CACNA1C: variants seen among roughly 807,000 people sequenced by gnomAD.
CACNA1C encodes the protein calcium voltage-gated channel subunit alpha1 C, also known as voltage-dependent L-type calcium channel subunit alpha-1C.
A neutral mutation model predicts 229.0 loss-of-function variants in CACNA1C; 30 were observed. The ratio of observed to expected loss-of-function variants is 0.13; its 90% CI spans 0.10 to 0.18. The LOEUF (loss-of-function observed/expected upper bound fraction) is 0.18, where lower values mean the gene tolerates loss of function less well. Among genes scored for constraint, CACNA1C ranks in the 10% least tolerant of loss-of-function variants. CACNA1C has a pLI of 1.00. For synonymous variants in CACNA1C, 1,114 were observed against 1,132.5 expected, an observed-to-expected ratio of 0.98 and a Z score of 0.33; for missense variants, 1,658 against 2,845.0, an observed-to-expected ratio of 0.58 and a Z score of 9.49.
chr12:2,682,120 T>C, intron 42 of CACNA1C: 2 of 939,832 alleles, frequency 2.1e-6, no homozygotes, highest in Non-Finnish European at 3.4e-6. Flanking sequence ...ACCATCAAAA[T>C]AAGAGGCCAA....
chr12:2,093,615 C>T (rs1309503192), intron 1 of CACNA1C, among the ~76,000 whole-genome samples: 1 of 152,188 alleles, frequency 6.6e-6, no homozygotes, highest in East Asian at 1.9e-4. Context: ...CCTCCTGAGC[C>T]CCTTACCCTG....
Position 2,181,438 on chromosome 12 carries a change from G to A in CACNA1C, c.477+61008G>A, listed in dbSNP as rs1355433648. 3.9e-5 allele frequency among the ~76,000 whole-genome samples: 6 copies of A among 152,104 alleles called. No individual in the cohort carries two copies. The South Asian group carries it at 8.3e-4, about 21-fold the overall frequency. ...CATGATCACAGCAGACTGACACGGC[G>A]AGCTGAAACAAACAGGAAAACATTT... is the stretch of plus-strand genomic sequence containing the variant. On this transcript the variant is annotated intron_variant, in intron 3 of 46. Coordinates refer to ENST00000399655, the MANE Select transcript of CACNA1C (RefSeq NM_000719.7). This position sits in a 1 kb window ranked among gnomAD's most constrained non-coding sequence, Gnocchi z 4.0.
At chr12:2,217,899 G>A (rs778932966) in intron 3 of CACNA1C, 7 of 152,174 alleles carry the variant, frequency 4.6e-5, no homozygotes, top group African/African-American at 1.4e-4. Flanking sequence ...TGCTCAGGCC[G>A]TCGGGAAATG....
rs143224089 is a variant in CACNA1C at position 2,521,851 on chromosome 12, C to A, written c.1390+8867C>A. On this transcript the variant is annotated intron_variant, in intron 9 of 46. Coordinates refer to ENST00000399655, the MANE Select transcript of CACNA1C (RefSeq NM_000719.7). ...GCAGCCAAGTTCATATTTCTGCAGC[C>A]GACTGTGTCACTCCCTTGTTCAAAA... Among the ~76,000 whole-genome samples, 211 of 152,290 alleles carry A rather than the reference C, an allele frequency of 1.4e-3. 2 individuals carry two copies. In the Middle Eastern group the frequency reaches 0.02, roughly 15 times the overall value.
intron 11 of CACNA1C, among the ~76,000 whole-genome samples, chr12:2,565,655 G>A (rs928792354): frequency 2.0e-5 from 3 of 152,216 alleles, no homozygotes; most frequent in Non-Finnish European, 4.4e-5. Context: ...AGTCCATGGA[G>A]CATGGATGAG....
chr12:2,446,909 T>C (rs1387474989), intron 3 of CACNA1C, among the ~76,000 whole-genome samples: 1 of 152,208 alleles, frequency 6.6e-6, no homozygotes, highest in Non-Finnish European at 1.5e-5. Flanking sequence ...TGAATGGAAG[T>C]GTGAAAGCAA....
intron 3 of CACNA1C, among the ~76,000 whole-genome samples, chr12:2,377,331 G>A (rs1476659099): frequency 1.3e-5 from 2 of 152,020 alleles, no homozygotes; most frequent in African/African-American, 4.8e-5. Context: ...TTGTCATGCC[G>A]AAGCCCAGGA....
At chr12:2,684,317 TG>T (rs2097332443) in intron 43 of CACNA1C, among the ~76,000 whole-genome samples, 1 of 152,102 alleles carries the variant, frequency 6.6e-6, no homozygotes, top group Non-Finnish European at 1.5e-5. Context: ...AATGGGACGG[TG>T]GGGGTGACAG....
intron 15 of CACNA1C, 106 bp from the exon 16 acceptor site, chr12:2,584,397 C>A: frequency 1.4e-6 from 1 of 737,522 alleles, no homozygotes; most frequent in East Asian, 2.6e-5. Flanking sequence ...CCCTCAAGCT[C>A]TCTCTGCTGA....
intron 1 of CACNA1C, among the ~76,000 whole-genome samples, chr12:2,105,584 G>T (rs933657817): frequency 1.3e-5 from 2 of 150,960 alleles, no homozygotes; most frequent in African/African-American, 4.9e-5. Context: ...CGCCCACCCC[G>T]GGGAGGGTTT....
intron 3 of CACNA1C, among the ~76,000 whole-genome samples, chr12:2,356,428 G>C (rs55846742): frequency 0.044 from 6,766 of 152,346 alleles, 183 homozygotes; most frequent in Non-Finnish European, 0.054. Flanking sequence ...ATGGAGCTGA[G>C]CTCCTCAGTG....
At chr12:2,174,546 C>T (rs141783137) in intron 3 of CACNA1C, among the ~76,000 whole-genome samples, 1 of 152,166 alleles carries the variant, frequency 6.6e-6, no homozygotes, top group African/African-American at 2.4e-5. Flanking sequence ...TATCTATTTC[C>T]CTCAAGATTT....
At chr12:2,551,069 C>T (rs550632837) in intron 10 of CACNA1C, among the ~76,000 whole-genome samples, 13 of 152,338 alleles carry the variant, frequency 8.5e-5, no homozygotes, top group African/African-American at 3.1e-4. Flanking sequence ...ACAAAACAAG[C>T]ACTTGAGTTT....
chr12:2,284,894 A>T lies in CACNA1C; in HGVS notation c.478-164082A>T, dbSNP rs117134058. On this transcript the variant is annotated intron_variant, in intron 3 of 46. Transcript: ENST00000399655. ...AAACTTCATTTTCCTTAGAGCCTGAAGCCTCCTCCTTGTTACCTTCCTGGT... is the reference window on the plus strand; with the variant it reads ...AAACTTCATTTTCCTTAGAGCCTGATGCCTCCTCCTTGTTACCTTCCTGGT... Among the ~76,000 whole-genome samples, 448 of 152,312 alleles carry T rather than the reference A, an allele frequency of 2.9e-3. 1 individual carries two copies. Among genetic ancestry groups the T allele is most frequent in the Non-Finnish European group, 5.1e-3 (348 of 68,016 alleles).
intron 13 of CACNA1C, among the ~76,000 whole-genome samples, chr12:2,572,242 GCTTT>G (rs1227932730): frequency 6.6e-6 from 1 of 151,256 alleles, no homozygotes; most frequent in East Asian, 1.9e-4. Flanking sequence ...CTCTTGGTCT[GCTTT>G]CTTCTCCTAA....
intron 26 of CACNA1C, 130 bp downstream of exon 26, chr12:2,607,260 G>A (rs2075778576): frequency 1.2e-6 from 1 of 869,354 alleles, no homozygotes; most frequent in Middle Eastern, 3.1e-4. Context: ...GTCCTCCCCA[G>A]GCAGTGAGGT....
At chr12:2,415,652 G>A (rs549795789) in intron 3 of CACNA1C, among the ~76,000 whole-genome samples, 30 of 152,126 alleles carry the variant, frequency 2.0e-4, no homozygotes, top group Non-Finnish European at 3.2e-4. Flanking sequence ...GGCAGAGGTC[G>A]GACAGTGGTG....
rs115345429 is a variant in CACNA1C at position 2,595,648 on chromosome 12, C to G, written c.2664-226C>G. Among the ~76,000 whole-genome samples, 2,167 of 152,262 alleles carry G rather than the reference C, an allele frequency of 0.014. 48 individuals carry two copies. The highest frequency in any genetic ancestry group is 0.049 in the African/African-American group (2,040 of 41,546). On this transcript the variant is annotated intron_variant, in intron 19 of 46. Transcript: ENST00000399655. The surrounding 1 kb of genome is among the most constrained non-coding windows in gnomAD (Gnocchi z 4.1). ...GGAATTCAGAGATTCTCAAAGGTCT[C>G]AGATGTAACCTTCTAAAATATCAAA...
At chr12:1,985,979 TTTG>T (rs1469937942) in intron 1 of CACNA1C, among the ~76,000 whole-genome samples, 4 of 152,172 alleles carry the variant, frequency 2.6e-5, no homozygotes, top group South Asian at 2.1e-4. Flanking sequence ...CTTGGCTAAT[TTTG>T]TTTTGTATTT....
Sources: allele counts gnomAD v4.1 joint callset (sites outside exome capture counted in the v4.1 genomes callset), GRCh38; gene constraint gnomAD v4.1.1; non-coding constraint Gnocchi (gnomAD v3.1); transcripts MANE v1.5; gene names NCBI Gene and HGNC (gene_info 2026-07-23, HGNC 2026-07-21).